MTCL2: variants seen among roughly 807,000 people sequenced by gnomAD.
MTCL2 encodes the protein microtubule cross-linking factor 2.
the MTCL2 span, chr20:36,794,457 T>C: frequency 1.2e-6 from 2 of 1,613,990 alleles, no homozygotes; most frequent in Admixed American, 3.3e-5. The surrounding 1 kb of genome is among the most constrained non-coding windows in gnomAD (Gnocchi z 5.4). Context: ...TTGGTGTCTT[T>C]CTCTGGATCC....
the MTCL2 span, among the ~76,000 whole-genome samples, chr20:36,816,635 A>G: frequency 6.6e-6 from 1 of 152,342 alleles, no homozygotes; most frequent in Admixed American, 6.5e-5. Context: ...GCTAAGGATG[A>G]AAAGGGCCTG....
the MTCL2 span, among the ~76,000 whole-genome samples, chr20:36,850,756 G>A: frequency 6.6e-6 from 1 of 152,170 alleles, no homozygotes; most frequent in East Asian, 1.9e-4. Context: ...GGTTAAAACT[G>A]TTTAAAATTT....
At chr20:36,784,508 C>T in the MTCL2 span, 7 of 985,410 alleles carry the variant, frequency 7.1e-6, no homozygotes, top group South Asian at 3.3e-4. Context: ...TTTTGGTCTT[C>T]CTGATGGGCA....
the MTCL2 span, among the ~76,000 whole-genome samples, chr20:36,813,752 C>CAAAAAAAAAAAAAAAA: frequency 3.5e-4 from 23 of 65,720 alleles, no homozygotes; most frequent in African/African-American, 4.0e-4. Context: ...GACTCTGTCT[C>CAAAAAAAAAAAAAAAA]AAAAAAAAAA....
the MTCL2 span, chr20:36,805,011 A>G: frequency 0.012 from 14,823 of 1,253,052 alleles, 1,428 homozygotes; most frequent in African/African-American, 0.2. Context: ...ACGAGGCCTC[A>G]GGCAAGTCCC....
At chr20:36,804,003 G>A in the MTCL2 span, among the ~76,000 whole-genome samples, 9 of 150,654 alleles carry the variant, frequency 6.0e-5, no homozygotes, top group East Asian at 1.7e-3. Flanking sequence ...GGGGTCACAG[G>A]GAGCCAGGGG....
chr20:36,789,696 T>G, the MTCL2 span, among the ~76,000 whole-genome samples: 2 of 150,612 alleles, frequency 1.3e-5, no homozygotes, highest in African/African-American at 4.9e-5. Context: ...CTCCCTAACA[T>G]GGACCCCATC....
chr20:36,831,988 G>A, the MTCL2 span, among the ~76,000 whole-genome samples: 1 of 152,184 alleles, frequency 6.6e-6, no homozygotes, highest in South Asian at 2.1e-4. Flanking sequence ...AGGCAGGAGT[G>A]GTGGGGTACA....
chr20:36,860,119 T>A, the MTCL2 span, among the ~76,000 whole-genome samples: 718 of 152,302 alleles, frequency 4.7e-3, 4 homozygotes, highest in African/African-American at 0.017. Context: ...AGAAGTGGCA[T>A]GGGCTGGCCT....
the MTCL2 span, among the ~76,000 whole-genome samples, chr20:36,849,142 A>G: frequency 3.9e-5 from 5 of 127,928 alleles, no homozygotes; most frequent in Non-Finnish European, 7.7e-5. Flanking sequence ...GCTCACTGCA[A>G]CCTCTGCCTC....
At chr20:36,803,159 G>A in the MTCL2 span, 1 of 1,543,258 alleles carries the variant, frequency 6.5e-7, no homozygotes, top group East Asian at 2.3e-5. Flanking sequence ...ACTCCTCTTG[G>A]CCCTTCTCTC....
the MTCL2 span, chr20:36,777,832 C>G: frequency 3.2e-6 from 2 of 622,652 alleles, no homozygotes; most frequent in African/African-American, 4.0e-5. Flanking sequence ...CAGCTTCTGG[C>G]TCTCTTCCCA....
chr20:36,810,616 T>C, the MTCL2 span, among the ~76,000 whole-genome samples: 2 of 151,266 alleles, frequency 1.3e-5, no homozygotes, highest in East Asian at 1.9e-4. Flanking sequence ...TAAAAAAACA[T>C]ACAAAGGACA....
the MTCL2 span, among the ~76,000 whole-genome samples, chr20:36,842,507 C>T: frequency 2.0e-5 from 3 of 152,192 alleles, no homozygotes; most frequent in African/African-American, 7.2e-5. Context: ...TGCGGTGGCT[C>T]ACGCCTGTAA....
chr20:36,821,546 C>T, the MTCL2 span, among the ~76,000 whole-genome samples: 132 of 151,828 alleles, frequency 8.7e-4, 1 homozygote, highest in Non-Finnish European at 1.4e-3. Context: ...AGAACAAAAA[C>T]AAAACAGACA....
the MTCL2 span, chr20:36,794,556 C>T: frequency 3.3e-5 from 53 of 1,614,030 alleles, no homozygotes; most frequent in East Asian, 7.6e-4. The surrounding 1 kb of genome is among the most constrained non-coding windows in gnomAD (Gnocchi z 5.4). Flanking sequence ...GGGGAACAGT[C>T]GAGCAAACTT....
chr20:36,849,973 C>T, the MTCL2 span, among the ~76,000 whole-genome samples: 1 of 152,112 alleles, frequency 6.6e-6, no homozygotes, highest in African/African-American at 2.4e-5. Flanking sequence ...GGACATGAGG[C>T]TCCCAAAGGC....
the MTCL2 span, chr20:36,815,256 C>G: frequency 5.6e-6 from 9 of 1,613,852 alleles, no homozygotes; most frequent in Non-Finnish European, 6.8e-6. The surrounding 1 kb of genome is among the most constrained non-coding windows in gnomAD (Gnocchi z 5.3). Flanking sequence ...ATCTGCCTTC[C>G]GCGTGAAGGC....
chr20:36,788,200 C>CAAAA, the MTCL2 span, among the ~76,000 whole-genome samples: 1 of 76,678 alleles, frequency 1.3e-5, no homozygotes, highest in Non-Finnish European at 2.4e-5. Context: ...GACTCCATCT[C>CAAAA]AAAAAAAAAA....
Sources: allele counts gnomAD v4.1 joint callset (sites outside exome capture counted in the v4.1 genomes callset), GRCh38; gene constraint gnomAD v4.1.1; non-coding constraint Gnocchi (gnomAD v3.1); transcripts MANE v1.5; gene names NCBI Gene and HGNC (gene_info 2026-07-23, HGNC 2026-07-21).